PPP4R1: variants seen among roughly 807,000 people sequenced by gnomAD.
PPP4R1 encodes serine/threonine-protein phosphatase 4 regulatory subunit 1.
In PPP4R1, 42 loss-of-function variants were observed where a neutral mutation model predicts 111.2. That is an observed-to-expected ratio of 0.38 (90% CI 0.29 to 0.49). The LOEUF (loss-of-function observed/expected upper bound fraction) is 0.49. PPP4R1 is among the 20% of genes least tolerant of loss of function. The probability of loss-of-function intolerance (pLI) is 0.97; values close to 1 mark genes in which losing one functional copy is unlikely to be tolerated. For missense variants in PPP4R1, 1,012 were observed against 1,161.6 expected (o/e 0.87, Z 1.87); for synonymous variants, 409 against 405.5 (o/e 1.01, Z -0.10).
chr18:9,568,357 A>G (rs1335091128), intron 11 of PPP4R1, among the ~76,000 whole-genome samples: 1 of 152,056 alleles, frequency 6.6e-6, no homozygotes, highest in Non-Finnish European at 1.5e-5. Flanking sequence ...AATTTGTGTG[A>G]CTCTATTGCA....
At chr18:9,576,070 A>G (rs2066931318) in intron 10 of PPP4R1, among the ~76,000 whole-genome samples, 1 of 152,194 alleles carries the variant, frequency 6.6e-6, no homozygotes, top group Non-Finnish European at 1.5e-5. Flanking sequence ...TTCCTTTACA[A>G]AAAACAGTAC....
chr18:9,582,893 A>G (rs1264420516), intron 9 of PPP4R1, among the ~76,000 whole-genome samples: 1 of 152,222 alleles, frequency 6.6e-6, no homozygotes. Flanking sequence ...ACATCATGCC[A>G]ATTAAATAAA....
intron 13 of PPP4R1, among the ~76,000 whole-genome samples, chr18:9,560,462 G>T (rs1480633309): frequency 2.6e-5 from 4 of 151,928 alleles, no homozygotes; most frequent in Non-Finnish European, 2.9e-5. Flanking sequence ...AAAACTGGTT[G>T]TATCTCAGGA....
intron 4 of PPP4R1, 27 bp downstream of exon 4, chr18:9,593,739 TAG>T: frequency 6.3e-7 from 1 of 1,583,248 alleles, no homozygotes. Flanking sequence ...CTTTCTAGAA[TAG>T]AGTAAATTCA....
chr18:9,564,975 C>T (rs1222748158), intron 11 of PPP4R1, among the ~76,000 whole-genome samples: 1 of 152,092 alleles, frequency 6.6e-6, no homozygotes, highest in East Asian at 1.9e-4. Context: ...TCCTGAGTGG[C>T]TGGGACTACA....
chr18:9,552,067 A>C (rs1598886084), intron 16 of PPP4R1: 1 of 152,228 alleles, frequency 6.6e-6, no homozygotes, highest in African/African-American at 2.4e-5. Flanking sequence ...CCAGAACTCA[A>C]TGGAGTGGCA....
At chr18:9,588,064 A>C in intron 6 of PPP4R1, 25 bp downstream of exon 6, 2 of 1,613,066 alleles carry the variant, frequency 1.2e-6, no homozygotes, top group South Asian at 2.2e-5. Flanking sequence ...ATTTTGCATA[A>C]GTGGAAAAAT....
chr18:9,609,597 C>G (rs1268347715), intron 2 of PPP4R1, among the ~76,000 whole-genome samples: 1 of 152,192 alleles, frequency 6.6e-6, no homozygotes, highest in African/African-American at 2.4e-5. Context: ...GTATGGCATA[C>G]TCAATAACAT....
Position 9,579,439 on chromosome 18 carries a change from T to C in PPP4R1, c.919-2248A>G, listed in dbSNP as rs111358447. Reference sequence around the variant, plus strand: ...GGGACAATACAGTAGATTATAACCTTCCCCAAATGGCTTAACATTGTTCGG... The same window carrying C: ...GGGACAATACAGTAGATTATAACCTCCCCCAAATGGCTTAACATTGTTCGG... On this transcript the variant is annotated intron_variant, in intron 9 of 19. Coordinates refer to ENST00000400556, the MANE Select transcript of PPP4R1 (RefSeq NM_001042388.3). 2.6e-5 allele frequency among the ~76,000 whole-genome samples: 4 copies of C among 152,190 alleles called. 1 individual carries two copies. Among genetic ancestry groups the C allele is most frequent in the African/African-American group, 7.2e-5 (3 of 41,524 alleles).
At chr18:9,577,584 G>C (rs62088860) in intron 9 of PPP4R1, among the ~76,000 whole-genome samples, 1 of 152,128 alleles carries the variant, frequency 6.6e-6, no homozygotes, top group Non-Finnish European at 1.5e-5. Context: ...GAAGAAGCGC[G>C]TGAACCCATG....
intron 4 of PPP4R1, among the ~76,000 whole-genome samples, chr18:9,592,515 T>C (rs2067227679): frequency 6.6e-6 from 1 of 152,234 alleles, no homozygotes. Context: ...ACACAAATCC[T>C]TGTTCACCTT....
At chr18:9,586,302 T>C (rs1462757664) in intron 6 of PPP4R1, among the ~76,000 whole-genome samples, 1 of 152,072 alleles carries the variant, frequency 6.6e-6, no homozygotes, top group East Asian at 1.9e-4. Context: ...TTGTAATGTT[T>C]TACTAATTTT....
intron 2 of PPP4R1, among the ~76,000 whole-genome samples, chr18:9,607,783 CTTTTTTTTTTTTT>C (rs59033925): frequency 1.2e-4 from 15 of 125,378 alleles, no homozygotes; most frequent in Admixed American, 9.8e-4. Flanking sequence ...TTCTTTCTTT[CTTTTTTTTTTTTT>C]TTTTTTGGAT....
At chr18:9,612,088 T>C (rs8096551) in intron 2 of PPP4R1, among the ~76,000 whole-genome samples, 23,651 of 152,138 alleles carry the variant, frequency 0.16, 2,459 homozygotes, top group African/African-American at 0.29. Flanking sequence ...TCAACATCAG[T>C]GTTTCCTTCT....
At chr18:9,600,867 T>C in intron 2 of PPP4R1, among the ~76,000 whole-genome samples, 1 of 151,590 alleles carries the variant, frequency 6.6e-6, no homozygotes, top group East Asian at 1.9e-4. Flanking sequence ...GGTGACAGAG[T>C]GAGAATGTCT....
chr18:9,604,296 G>A (rs1323823482), intron 2 of PPP4R1, among the ~76,000 whole-genome samples: 2 of 152,096 alleles, frequency 1.3e-5, no homozygotes, highest in Non-Finnish European at 2.9e-5. Context: ...TTCGAATCCA[G>A]TTTATATATC....
chr18:9,587,044 T>C (rs565342552), intron 6 of PPP4R1, among the ~76,000 whole-genome samples: 6 of 152,226 alleles, frequency 3.9e-5, no homozygotes, highest in Non-Finnish European at 7.3e-5. Context: ...TGTACTTGCC[T>C]GACCATCCTT....
intron 9 of PPP4R1, among the ~76,000 whole-genome samples, chr18:9,581,132 A>C (rs1339104594): frequency 2.6e-5 from 4 of 151,952 alleles, no homozygotes; most frequent in Admixed American, 2.6e-4. Context: ...ATATTATCTA[A>C]AATGTTCAAC....
intron 11 of PPP4R1, among the ~76,000 whole-genome samples, chr18:9,565,323 A>G (rs1017031927): frequency 6.6e-6 from 1 of 152,156 alleles, no homozygotes; most frequent in Non-Finnish European, 1.5e-5. Context: ...CTGTCTCCCT[A>G]TTCCCTGAGA....
Sources: allele counts gnomAD v4.1 joint callset (sites outside exome capture counted in the v4.1 genomes callset), GRCh38; gene constraint gnomAD v4.1.1; transcripts MANE v1.5; gene names NCBI Gene and HGNC (gene_info 2026-07-23, HGNC 2026-07-21).